SMAP2: variants seen among roughly 807,000 people sequenced by gnomAD.
The protein encoded by SMAP2 is small ArfGAP2.
Under a neutral mutation model 56.4 loss-of-function variants are expected in SMAP2, and 25 were observed. The observed-to-expected ratio is 0.44, with a 90% confidence interval of 0.32 to 0.62. SMAP2 has a LOEUF of 0.62. SMAP2 is among the 20% of genes least tolerant of loss of function. The probability of loss-of-function intolerance (pLI) is 0.04; values close to 1 mark genes in which losing one functional copy is unlikely to be tolerated. For synonymous variants in SMAP2, 157 were observed against 181.7 expected, an observed-to-expected ratio of 0.86 and a Z score of 1.09; for missense variants, 388 against 545.6, an observed-to-expected ratio of 0.71 and a Z score of 2.88.
At chr1:40,377,062 G>A (rs1212392153) in intron 1 of SMAP2, among the ~76,000 whole-genome samples, 2 of 152,148 alleles carry the variant, frequency 1.3e-5, no homozygotes. Context: ...AAGGAGGGAG[G>A]ATCACTTGAG....
chr1:40,371,765 T>G (rs1453763728), upstream of SMAP2, among the ~76,000 whole-genome samples: 1 of 152,238 alleles, frequency 6.6e-6, no homozygotes, highest in Admixed American at 6.5e-5. Context: ...TGAAGAGCGC[T>G]AATTGTCTAT....
intron 1 of SMAP2, among the ~76,000 whole-genome samples, chr1:40,401,350 T>A (rs1228396762): frequency 6.6e-6 from 1 of 152,162 alleles, no homozygotes; most frequent in African/African-American, 2.4e-5. Context: ...TGGAAAAGTT[T>A]CCAAGATAGA....
intron 1 of SMAP2, among the ~76,000 whole-genome samples, chr1:40,353,928 A>T (rs1267997855): frequency 2.6e-5 from 4 of 151,970 alleles, no homozygotes; most frequent in Non-Finnish European, 5.9e-5. Context: ...GGTGACACTG[A>T]TGCTGCTTGT....
intron 2 of SMAP2, among the ~76,000 whole-genome samples, chr1:40,363,956 G>T (rs1228588537): frequency 1.3e-5 from 2 of 152,218 alleles, no homozygotes; most frequent in African/African-American, 4.8e-5. Flanking sequence ...GTCTCACCAA[G>T]CTCATTTGCA....
rs779935697 is a variant in SMAP2, at chr1:40,414,203, G to A, written c.534G>A (p.Pro178=). The change falls in exon 6 of 10, where the codon CCG becomes CCA. Residue 178 remains proline, a synonymous_variant. Coordinates refer to ENST00000372718, the MANE Select transcript of SMAP2 (RefSeq NM_022733.3). ...CACAGCTACCTCGGAAAAGCTCCCC[G>A]AAATCCACAGCGCCTGTCATGGATT... ...EDPQLPRKSS[P]KSTAPVMDLL... The A allele has an allele frequency of 8.7e-6, 14 of 1,614,056 alleles. No homozygotes were observed. The highest frequency in any genetic ancestry group is 3.3e-5 in the South Asian group (3 of 91,090).
chr1:40,413,136 C>A, intron 5 of SMAP2, 34 bp downstream of exon 5: 2 of 1,499,816 alleles, frequency 1.3e-6, no homozygotes, highest in Non-Finnish European at 1.9e-6. Context: ...GTATGGACAG[C>A]CTCAGGTATG....
chr1:40,404,950 T>C (rs1203580053), intron 1 of SMAP2, among the ~76,000 whole-genome samples: 3 of 152,168 alleles, frequency 2.0e-5, no homozygotes, highest in African/African-American at 4.8e-5. Context: ...GGACTAAATA[T>C]CTTTTTAGAA....
chr1:40,358,993 A>T (rs912026214), intron 1 of SMAP2, among the ~76,000 whole-genome samples: 1 of 151,998 alleles, frequency 6.6e-6, no homozygotes, highest in African/African-American at 2.4e-5. Context: ...TATGGTTTGT[A>T]TCTTGAAATC....
rs143315305 is a variant in SMAP2, at chr1:40,422,897, A to AGT, written c.*809_*810dup. On this transcript the variant is annotated 3_prime_UTR_variant, in exon 10 of 10. Coordinates refer to ENST00000372718, the MANE Select transcript of SMAP2 (RefSeq NM_022733.3). ...CGTGTACTGCTTGTGTGTGTGCGTG[A>AGT]GTGTGTGTGTGTGTATGAGTGTGTG... 0.016 allele frequency: 2,434 copies of AGT among 151,890 alleles called. 73 individuals carry two copies. The highest frequency in any genetic ancestry group is 0.056 in the African/African-American group (2,296 of 41,266). The allele number at this position is 151,890 out of a possible 1,614,324, so 9.4% of individuals were successfully genotyped here.
intron 9 of SMAP2, among the ~76,000 whole-genome samples, chr1:40,419,843 A>G (rs529171247): frequency 6.6e-5 from 10 of 152,344 alleles, no homozygotes; most frequent in East Asian, 3.9e-4. Flanking sequence ...TGTACTGCAC[A>G]TGTGCATGTA....
At chr1:40,421,363 A>C (rs1005570855) in intron 9 of SMAP2, among the ~76,000 whole-genome samples, 1 of 151,192 alleles carries the variant, frequency 6.6e-6, no homozygotes, top group South Asian at 2.1e-4. Context: ...TTCATGAAGG[A>C]CCCCCGCCCC....
In SMAP2 at chr1:40,406,615, G is replaced by T. The variant is rs958027465; in HGVS notation, c.104-121G>T. On this transcript the variant is annotated intron_variant, in intron 1 of 9. Coordinates refer to ENST00000372718, the MANE Select transcript of SMAP2 (RefSeq NM_022733.3). ...AGGAATGAGCAGAGTCAATAAACAG[G>T]TGGTTATGGTAAAAATTATTTCACT... The T allele has an allele frequency of 7.5e-6, 8 of 1,060,230 alleles. No homozygotes were observed. The African/African-American group carries it at 1.3e-4, about 17-fold the overall frequency. The allele number at this position is 1,060,230 out of a possible 1,614,324, so 65.7% of individuals were successfully genotyped here.
rs763349566 is a variant in SMAP2 at position 40,406,714 on chromosome 1, G to A, written c.104-22G>A. On this transcript the variant is annotated intron_variant, in intron 1 of 9. Coordinates refer to ENST00000372718, the MANE Select transcript of SMAP2 (RefSeq NM_022733.3). Reference sequence around the variant, plus strand: ...TGAATGTTGTAATTTGTACTTTATTGCCCTGTTCCTGACTTTCACAGGGCC... The same window carrying A: ...TGAATGTTGTAATTTGTACTTTATTACCCTGTTCCTGACTTTCACAGGGCC... 12 of 1,604,862 alleles carry A rather than the reference G, an allele frequency of 7.5e-6. No homozygotes were observed. The Admixed American group carries it at 2.0e-4, about 27-fold the overall frequency.
chr1:40,409,904 C>T lies in SMAP2; in HGVS notation c.402+69C>T, dbSNP rs1644918787. On this transcript the variant is annotated intron_variant, in intron 4 of 9. Coordinates refer to ENST00000372718, the MANE Select transcript of SMAP2 (RefSeq NM_022733.3). ...GCTTATTAAATCAGGCCAGAGAACACGTTGAAGAACTGCTACCAAAACACT... is the reference window on the plus strand; with the variant it reads ...GCTTATTAAATCAGGCCAGAGAACATGTTGAAGAACTGCTACCAAAACACT... 2.9e-6 allele frequency: 3 copies of T among 1,032,574 alleles called. No individual in the cohort carries two copies. In the South Asian group the frequency reaches 3.9e-5, roughly 13 times the overall value. 64.0% of individuals were successfully genotyped at this position (1,032,574 alleles called of 1,614,324 possible). A position where few individuals can be genotyped will look rare whatever the true frequency, so the allele number is the denominator to read the frequency against.
chr1:40,360,252 T>A (rs554424579), intron 1 of SMAP2, among the ~76,000 whole-genome samples: 3 of 151,316 alleles, frequency 2.0e-5, no homozygotes, highest in Admixed American at 6.6e-5. Context: ...ATGATCCGCC[T>A]GCCTCGGCCT....
At chr1:40,345,175 G>A (rs955696099) in intron 1 of SMAP2, among the ~76,000 whole-genome samples, 16 of 152,044 alleles carry the variant, frequency 1.1e-4, no homozygotes, top group Non-Finnish European at 1.8e-4. Context: ...AGGCCAAGGC[G>A]GGAGGATCAC....
At chr1:40,371,704 G>A (rs1291647077), upstream of SMAP2, among the ~76,000 whole-genome samples, 1 of 152,150 alleles carries the variant, frequency 6.6e-6, no homozygotes, top group Non-Finnish European at 1.5e-5. Context: ...TGAAGGCCAG[G>A]AAATAAAATC....
At chr1:40,414,373 G>A (rs943828060) in intron 6 of SMAP2, 133 bp downstream of exon 6, 1 of 802,638 alleles carries the variant, frequency 1.2e-6, no homozygotes, top group African/African-American at 1.7e-5. Context: ...CATTCTTCCT[G>A]ATCTGTTTTA....
intron 1 of SMAP2, among the ~76,000 whole-genome samples, chr1:40,360,056 G>A (rs1423289776): frequency 1.5e-5 from 2 of 135,258 alleles, no homozygotes; most frequent in African/African-American, 5.8e-5. Flanking sequence ...ACCTAGGCTG[G>A]AGTGCAGTGG....
Sources: allele counts gnomAD v4.1 joint callset (sites outside exome capture counted in the v4.1 genomes callset), GRCh38; gene constraint gnomAD v4.1.1; transcripts MANE v1.5; gene names NCBI Gene and HGNC (gene_info 2026-07-23, HGNC 2026-07-21).